UBA1: variants seen among roughly 807,000 people sequenced by gnomAD.
UBA1 encodes ubiquitin like modifier activating enzyme 1.
Under a neutral mutation model 84.7 loss-of-function variants are expected in UBA1, and 4 were observed. The ratio of observed to expected loss-of-function variants is 0.05; its 90% CI spans 0.02 to 0.11. UBA1 has a LOEUF of 0.11. UBA1 is among the 10% of genes least tolerant of loss of function. The probability of loss-of-function intolerance (pLI) is 1.00; values close to 1 mark genes in which losing one functional copy is unlikely to be tolerated. For missense variants in UBA1, 513 were observed against 902.8 expected, an observed-to-expected ratio of 0.57 and a Z score of 5.53; for synonymous variants, 364 against 362.6, an observed-to-expected ratio of 1.00 and a Z score of -0.04.
Position 47,199,576 on chromosome X carries a change from A to G in UBA1, c.442A>G (p.Thr148Ala), listed in dbSNP as rs782084400. 4.1e-5 allele frequency: 49 copies of G among 1,209,207 alleles called. No homozygotes were observed. The highest frequency in any genetic ancestry group is 4.0e-5 in the Non-Finnish European group (36 of 894,832). Residue 148 changes from threonine to alanine, a missense_variant, in exon 5 of 26, where the codon ACT becomes GCT. Coordinates refer to ENST00000335972, the MANE Select transcript of UBA1 (RefSeq NM_003334.4). ...LNSYVPVTAY[T>A]GPLVEDFLSG... ...CAGCTATGTGCCTGTCACTGCCTACACTGGACCCCTCGTTGAGGACTTCCT... is the reference window on the plus strand; with the variant it reads ...CAGCTATGTGCCTGTCACTGCCTACGCTGGACCCCTCGTTGAGGACTTCCT...
rs782324421 is a variant in UBA1, at chrX:47,199,665, C to T, written c.480+51C>T. 8.4e-6 allele frequency: 10 copies of T among 1,190,349 alleles called. No individual in the cohort carries two copies. The Admixed American group carries it at 2.0e-4, about 23-fold the overall frequency. On this transcript the variant is annotated intron_variant, in intron 5 of 25. Transcript: ENST00000335972. The stretch of plus-strand genomic sequence containing the variant: ...TCTGCCCAGTTTTCTCAGAGCCCAT[C>T]TCTGGTTTATTCAGTAGTGTTCAAT...
At position 47,206,241 on chromosome X, in the gene UBA1, C is replaced by T; in HGVS notation, c.1742-7C>T. 1.7e-6 allele frequency: 2 copies of T among 1,200,976 alleles called. No homozygotes were observed. Among genetic ancestry groups the T allele is most frequent in the Non-Finnish European group, 2.2e-6 (2 of 889,773 alleles). ...CTTTCCTAGCTCTCGCTTTGTGCTC[C>T]CCACAGGCATGTACATGGACCGCCG... On this transcript the variant is annotated splice_region_variant and splice_polypyrimidine_tract_variant and intron_variant, in intron 15 of 25. Transcript: ENST00000335972.
intron 22 of UBA1, 27 bp from the exon 23 acceptor site, chrX:47,212,963 C>T: frequency 8.3e-7 from 1 of 1,211,583 alleles, no homozygotes; most frequent in Admixed American, 2.2e-5. Flanking sequence ...TTAACTACCA[C>T]CTTCTTTTGT....
chrX:47,202,631 C>T lies in UBA1; in HGVS notation c.1057-7C>T. 1.7e-6 allele frequency: 2 copies of T among 1,212,058 alleles called. No individual in the cohort carries two copies. Among genetic ancestry groups the T allele is most frequent in the Non-Finnish European group, 2.2e-6 (2 of 895,468 alleles). ...ATATCCTCTCTTGGTTCTTTCTGGC[C>T]CACCAGGAGGATGCAGCAGAACTGG... is the stretch of plus-strand genomic sequence containing the variant. On this transcript the variant is annotated splice_polypyrimidine_tract_variant and splice_region_variant and intron_variant, in intron 10 of 25. Transcript: ENST00000335972.
chrX:47,201,068 T>C (rs1324232186), intron 6 of UBA1, 68 bp downstream of exon 6: 1 of 991,927 alleles, frequency 1.0e-6, no homozygotes, highest in East Asian at 3.3e-5. Context: ...AGGCCAAGAC[T>C]CTAGGCTCTC....
At position 47,204,139 on chromosome X, in the gene UBA1, G is replaced by GTT. The variant is rs55829376; in HGVS notation, c.1575+470_1575+471dup. ...TTGGCCTTTCTTTCCCTCAGCTTCTGTTTTTTTTTTTTTTTTTTTTTTTTT... is the reference window on the plus strand; with the variant it reads ...TTGGCCTTTCTTTCCCTCAGCTTCTGTTTTTTTTTTTTTTTTTTTTTTTTTTT... On this transcript the variant is annotated intron_variant, in intron 14 of 25. Coordinates refer to ENST00000335972, the MANE Select transcript of UBA1 (RefSeq NM_003334.4). Among the ~76,000 whole-genome samples the GTT allele has an allele frequency of 1.5e-3, 25 of 16,884 alleles. 3 individuals carry two copies. Among genetic ancestry groups the GTT allele is most frequent in the African/African-American group, 3.9e-3 (15 of 3,867 alleles). The allele number at this position is 16,884 out of a possible 115,157, so 14.7% of individuals were successfully genotyped here.
At position 47,212,440 on chromosome X, in the gene UBA1, G is replaced by A; in HGVS notation, c.2481G>A (p.Glu827=). Residue 827 remains glutamate (E), a synonymous_variant, in exon 21 of 26, where the codon GAG becomes GAA. Transcript: ENST00000335972. ...TTCATGCAGATGACAGTCGTCTAGA[G>A]GAGCTCAAAGCCACTCTGCCCAGCC... ...ANASVDDSRL[E]ELKATLPSPD... 1 of 1,208,589 alleles carries A rather than the reference G, an allele frequency of 8.3e-7. No homozygotes were observed. Among genetic ancestry groups the A allele is most frequent in the Non-Finnish European group, 1.1e-6 (1 of 892,666 alleles).
chrX:47,198,741 TAACA>T lies in UBA1; in HGVS notation c.1-57_1-54del, dbSNP rs1273025775. 4.6e-6 allele frequency: 5 copies of T among 1,096,128 alleles called. No homozygotes were observed. In the East Asian group the frequency reaches 1.2e-4, roughly 26 times the overall value. 90.3% of individuals were successfully genotyped at this position (1,096,128 alleles called of 1,213,427 possible). A position where few individuals can be genotyped will look rare whatever the true frequency, so the allele number is the denominator to read the frequency against. ...TCTTCCCTTCCCCCACAGTTGCTAC[TAACA>T]AACAGAAAAACGGTACCCATGTGCT... is the stretch of plus-strand genomic sequence containing the variant. On this transcript the variant is annotated intron_variant, in intron 1 of 25. Transcript: ENST00000335972.
At chrX:47,195,635 T>G (rs972211344) in intron 1 of UBA1, among the ~76,000 whole-genome samples, 4 of 111,121 alleles carry the variant, frequency 3.6e-5, no homozygotes, top group Non-Finnish European at 7.6e-5. Context: ...ACATAATTGG[T>G]CAGAGAAACC....
At chrX:47,208,822 G>A (rs782185136) in intron 16 of UBA1, 1 of 110,759 alleles carries the variant, frequency 9.0e-6, no homozygotes, top group South Asian at 3.8e-4. Context: ...TGGGCATGGC[G>A]GCTGACACCT....
At chrX:47,210,998 C>T in intron 19 of UBA1, 38 bp from the exon 20 acceptor site, 1 of 1,209,361 alleles carries the variant, frequency 8.3e-7, no homozygotes, top group Non-Finnish European at 1.1e-6. Flanking sequence ...CACTCGAGGG[C>T]TGATGTGCTC....
At chrX:47,207,585 C>G (rs1556791547) in intron 16 of UBA1, among the ~76,000 whole-genome samples, 1 of 111,158 alleles carries the variant, frequency 9.0e-6, no homozygotes, top group Non-Finnish European at 1.9e-5. Context: ...TAGGGATTAC[C>G]ATTGTGCTGT....
In UBA1 at chrX:47,213,145, T is replaced by C. The variant is rs1312242152; in HGVS notation, c.2802T>C (p.Phe934=). ...TCCTCAACTTGGCCCTGCCTTTCTTTGGTTTCTCTGAACCCCTTGCCGCAC... is the reference window on the plus strand; with the variant it reads ...TCCTCAACTTGGCCCTGCCTTTCTTCGGTTTCTCTGAACCCCTTGCCGCAC... The part of the protein sequence containing the change: ...NGFLNLALPF[F]GFSEPLAAPR... The change falls in exon 23 of 26, where the codon TTT becomes TTC. Residue 934 remains phenylalanine (F), a synonymous_variant. Coordinates refer to ENST00000335972, the MANE Select transcript of UBA1 (RefSeq NM_003334.4). 8.3e-7 allele frequency: 1 copy of C among 1,210,009 alleles called. No individual in the cohort carries two copies. Among genetic ancestry groups the C allele is most frequent in the Non-Finnish European group, 1.1e-6 (1 of 895,289 alleles).
chrX:47,197,904 C>T, intron 1 of UBA1: 1 of 747,420 alleles, frequency 1.3e-6, no homozygotes, highest in Non-Finnish European at 1.6e-6. Context: ...CACAGGAGTA[C>T]CCTGAGGACA....
In UBA1 at chrX:47,210,825, ATC is replaced by A. The variant is rs782064678; in HGVS notation, c.2200-12_2200-11del. On this transcript the variant is annotated splice_polypyrimidine_tract_variant and intron_variant, in intron 18 of 25. Transcript: ENST00000335972. ...TCACTCTCAGGTCCTGTTCTCAAAAATCTCTCCATCCCTTAGCTCACAAGCTC... is the reference window on the plus strand; with the variant it reads ...TCACTCTCAGGTCCTGTTCTCAAAAATCTCCATCCCTTAGCTCACAAGCTC... The A allele has an allele frequency of 8.3e-7, 1 of 1,208,121 alleles. No homozygotes were observed. Among genetic ancestry groups the A allele is most frequent in the South Asian group, 1.8e-5 (1 of 56,436 alleles).
chrX:47,213,866 CA>C (rs368610527), intron 23 of UBA1, among the ~76,000 whole-genome samples: 101 of 94,149 alleles, frequency 1.1e-3, no homozygotes, highest in Admixed American at 9.2e-4. Context: ...GACTGCATCT[CA>C]AAAAAAAAAA....
upstream of UBA1, chrX:47,191,607 C>T (rs1556784303): frequency 8.9e-6 from 1 of 112,002 alleles, no homozygotes; most frequent in African/African-American, 3.2e-5. Context: ...GCCTCTTTCG[C>T]ACCTGGTCCG....
At chrX:47,202,907 C>T (rs1936474012) in intron 11 of UBA1, 36 bp from the exon 12 acceptor site, 2 of 1,200,728 alleles carry the variant, frequency 1.7e-6, no homozygotes, top group African/African-American at 3.5e-5. Flanking sequence ...CCCCTGTTAA[C>T]CACTGACCAC....
chrX:47,206,164 G>A (rs781911937), intron 15 of UBA1, 51 bp downstream of exon 15: 22 of 1,180,649 alleles, frequency 1.9e-5, no homozygotes, highest in Non-Finnish European at 2.4e-5. Context: ...TGTGTGTTTC[G>A]GTGTGTATAT....
Sources: gnomAD v4.1 joint callset for allele counts (sites outside exome capture counted in the v4.1 genomes callset) on GRCh38, gnomAD v4.1.1 for gene constraint, MANE v1.5 for transcripts, NCBI Gene and HGNC (gene_info 2026-07-23, HGNC 2026-07-21) for gene names.